Variants in CLCNKA observed in about 807,000 individuals in gnomAD.
CLCNKA encodes chloride voltage-gated channel Ka.
A neutral mutation model predicts 83.3 loss-of-function variants in CLCNKA; 66 were observed. The observed-to-expected ratio is 0.79, with a 90% CI of 0.65 to 0.97. The LOEUF is 0.97. Among genes scored for constraint, CLCNKA ranks in the 50% least tolerant of loss-of-function variants. CLCNKA has a pLI of 0.00. For synonymous variants in CLCNKA, 357 were observed against 370.4 expected, an observed-to-expected ratio of 0.96 and a Z score of 0.42; for missense variants, 806 against 888.7, an observed-to-expected ratio of 0.91 and a Z score of 1.18.
At position 16,026,730 on chromosome 1, in the gene CLCNKA, G is replaced by T. The variant is rs774035133; in HGVS notation, c.610G>T (p.Ala204Ser). 1 of 1,613,640 alleles carries T rather than the reference G, an allele frequency of 6.2e-7. No homozygotes were observed. The highest frequency in any genetic ancestry group is 8.5e-7 in the Non-Finnish European group (1 of 1,179,844). Residue 204 changes from alanine to serine, a missense_variant, in exon 7 of 20, where the codon GCG becomes TCG. Ala to Ser is a moderately conservative substitution (Grantham distance 99, BLOSUM62 1). Coordinates refer to ENST00000331433, the MANE Select transcript of CLCNKA (RefSeq NM_004070.4). ...KSKQNEMLVA[A>S]AAVGVATVFA... ...CAAGCAAAACGAAATGCTGGTGGCA[G>T]CGGCGGCAGTGGGCGTGGCCACAGT...
intron 8 of CLCNKA, among the ~76,000 whole-genome samples, 174 bp downstream of exon 8, chr1:16,027,609 C>T (rs573483888): frequency 6.6e-6 from 1 of 151,806 alleles, no homozygotes; most frequent in East Asian, 1.9e-4. Context: ...TGTGTTGAGC[C>T]CCTGACCTGT....
intron 1 of CLCNKA, 96 bp downstream of exon 1, chr1:16,022,159 T>C (rs1476715116): frequency 1.3e-5 from 2 of 153,754 alleles, no homozygotes; most frequent in African/African-American, 2.4e-5. Flanking sequence ...GCACCTCACT[T>C]TGGCTTTGCA....
chr1:16,033,231 C>CTG lies in CLCNKA; in HGVS notation c.1994_1995dup (p.Gly666TrpfsTer9), dbSNP rs2022708465. 6.2e-7 allele frequency: 1 copy of CTG among 1,613,988 alleles called. No homozygotes were observed. The highest frequency in any genetic ancestry group is 8.5e-7 in the Non-Finnish European group (1 of 1,180,010). ...CTCTTCGTGACATCGCGGGGCAGAG[C>CTG]TGTGGGCTGCGTGTCCTGGGTGGAG... On this transcript the variant is annotated frameshift_variant, in exon 19 of 20. Transcript: ENST00000331433. LOFTEE classifies it high-confidence loss of function.
chr1:16,026,190 G>A lies in CLCNKA; in HGVS notation c.441G>A (p.Lys147=), dbSNP rs377275023. The A allele has an allele frequency of 6.2e-7, 1 of 1,613,918 alleles. No homozygotes were observed. Among genetic ancestry groups the A allele is most frequent in the Non-Finnish European group, 8.5e-7 (1 of 1,180,024 alleles). ...DYLDIKNFGA[K]VVGLSCTLAT... ...TGGATATCAAGAACTTTGGGGCCAA[G>A]GTGGTGGGCCTCTCCTGCACCCTGG... Residue 147 remains lysine (K), a synonymous_variant, in exon 5 of 20, where the codon AAG becomes AAA. Transcript: ENST00000331433.
At chr1:16,023,488 C>T (rs2022221946) in intron 2 of CLCNKA, among the ~76,000 whole-genome samples, 1 of 152,226 alleles carries the variant, frequency 6.6e-6, no homozygotes, top group African/African-American at 2.4e-5. Flanking sequence ...ACTGTGCCAC[C>T]ACTGTCACCT....
intron 5 of CLCNKA, 31 bp downstream of exon 5, chr1:16,026,278 C>T (rs761779526): frequency 6.2e-7 from 1 of 1,611,402 alleles, no homozygotes; most frequent in Non-Finnish European, 8.5e-7. Context: ...ACCCCAGCCA[C>T]CCCGCCCACC....
At chr1:16,026,813 A>C in intron 7 of CLCNKA, 38 bp downstream of exon 7, 2 of 1,611,134 alleles carry the variant, frequency 1.2e-6, no homozygotes, top group Non-Finnish European at 8.5e-7. Flanking sequence ...TGGGTCCCTC[A>C]AGCTCCTCCC....
intron 11 of CLCNKA, 88 bp downstream of exon 11, chr1:16,028,933 C>A: frequency 6.5e-7 from 1 of 1,539,314 alleles, no homozygotes; most frequent in Non-Finnish European, 9.0e-7. Flanking sequence ...CCTCAGCACC[C>A]CACCAGGGTG....
Position 16,026,547 on chromosome 1 carries a change from G to T in CLCNKA, c.510G>T (p.Val170=). 6.2e-7 allele frequency: 1 copy of T among 1,614,016 alleles called. No individual in the cohort carries two copies. Among genetic ancestry groups the T allele is most frequent in the Non-Finnish European group, 8.5e-7 (1 of 1,180,028 alleles). The part of the protein sequence containing the change: ...TLFLGKVGPF[V]HLSVMIAAYL... ...CCTTCCCTCTGCAGGGCCCTTTCGT[G>T]CACCTGTCTGTAATGATCGCTGCCT... Residue 170 remains valine, a synonymous_variant, in exon 6 of 20, where the codon GTG becomes GTT. Transcript: ENST00000331433.
rs2022424577 is a variant in CLCNKA at position 16,027,691 on chromosome 1, G to C, written c.782-130G>C. The C allele has an allele frequency of 1.5e-5, 23 of 1,532,580 alleles. No homozygotes were observed. The South Asian group carries it at 2.4e-4, about 16-fold the overall frequency. The allele number at this position is 1,532,580 out of a possible 1,614,324, so 94.9% of individuals were successfully genotyped here. A position where few individuals can be genotyped will look rare whatever the true frequency, so the allele number is the denominator to read the frequency against. On this transcript the variant is annotated intron_variant, in intron 8 of 19. Transcript: ENST00000331433. Reference sequence around the variant, plus strand: ...GGGAGGCAAGAGCCTGGTTGTGGGGGCCTGGAATGCCAGGACACAGATTCC... The same window carrying C: ...GGGAGGCAAGAGCCTGGTTGTGGGGCCCTGGAATGCCAGGACACAGATTCC...
intron 3 of CLCNKA, among the ~76,000 whole-genome samples, chr1:16,024,412 T>A (rs1026336527): frequency 4.6e-5 from 7 of 152,222 alleles, no homozygotes; most frequent in Non-Finnish European, 7.3e-5. Context: ...CGGTGTTTGG[T>A]GCTTCACACC....
chr1:16,028,325 C>T (rs1277426031), intron 10 of CLCNKA, among the ~76,000 whole-genome samples: 2 of 151,880 alleles, frequency 1.3e-5, no homozygotes, highest in South Asian at 2.1e-4. Context: ...ACCCCCATCC[C>T]TCCTTCATTC....
intron 12 of CLCNKA, 61 bp downstream of exon 12, chr1:16,029,360 G>A (rs761005220): frequency 6.2e-7 from 1 of 1,610,508 alleles, no homozygotes; most frequent in Non-Finnish European, 8.5e-7. Context: ...GGGAGGGGCG[G>A]GGGTGCCTCC....
In CLCNKA at chr1:16,030,588, A is replaced by G. The variant is rs779858454; in HGVS notation, c.1536A>G (p.Ala512=). The G allele has an allele frequency of 1.2e-6, 2 of 1,613,068 alleles. No individual in the cohort carries two copies. The highest frequency in any genetic ancestry group is 1.7e-6 in the Non-Finnish European group (2 of 1,180,030). Residue 512 remains alanine, a synonymous_variant, in exon 15 of 20, where the codon GCA becomes GCG. Coordinates refer to ENST00000331433, the MANE Select transcript of CLCNKA (RefSeq NM_004070.4). Reference sequence around the variant, plus strand: ...CGGTGCTGGCAGCCAACGCCATTGCACAGAGCTGCCAGCCCTCCTTCTATG... The same window carrying G: ...CGGTGCTGGCAGCCAACGCCATTGCGCAGAGCTGCCAGCCCTCCTTCTATG... ...LMAVLAANAI[A]QSCQPSFYDG...
At position 16,033,665 on chromosome 1, in the gene CLCNKA, C is replaced by T. The variant is rs745959438; in HGVS notation, c.*7C>T. 6.2e-7 allele frequency: 1 copy of T among 1,610,326 alleles called. No individual in the cohort carries two copies. Among genetic ancestry groups the T allele is most frequent in the South Asian group, 1.1e-5 (1 of 90,896 alleles). On this transcript the variant is annotated 3_prime_UTR_variant, in exon 20 of 20. Transcript: ENST00000331433. ...TCCGCCAGCTCCAAAGTGAGCCGGC[C>T]CAGCAAGATGAAACAGGGCACCCCA...
Position 16,027,822 on chromosome 1 carries a change from G to C in CLCNKA, c.783G>C (p.Glu261Asp), listed in dbSNP as rs1206732685. Residue 261 changes from glutamate to aspartate, a missense_variant and splice_region_variant, in exon 9 of 20, where the codon GAG (glutamate) becomes GAC (aspartate). Glu to Asp is a conservative substitution (Grantham distance 45). Coordinates refer to ENST00000331433, the MANE Select transcript of CLCNKA (RefSeq NM_004070.4). The stretch of plus-strand genomic sequence containing the variant: ...CTCCCCACTGCCCTCCTTCCCCAGA[G>C]ACCATCACCTCCCTCTACAAGACCA... ...RLLAVFNSEQ[E>D]TITSLYKTSF... is the part of the protein sequence containing the mutation. 1 of 1,609,870 alleles carries C rather than the reference G, an allele frequency of 6.2e-7. No individual in the cohort carries two copies. The highest frequency in any genetic ancestry group is 1.1e-5 in the South Asian group (1 of 90,922).
intron 17 of CLCNKA, 42 bp downstream of exon 17, chr1:16,032,333 T>G (rs2022658179): frequency 2.7e-6 from 2 of 727,438 alleles, no homozygotes; most frequent in Non-Finnish European, 2.4e-6. Context: ...CGGGGGTGGG[T>G]CAGCAGGGAT....
chr1:16,026,574 C>G lies in CLCNKA; in HGVS notation c.537C>G (p.Tyr179Ter), dbSNP rs1235814980. Residue 179 changes from tyrosine to a stop codon, truncating the protein, a stop_gained, in exon 6 of 20, where the codon TAC becomes TAG. Coordinates refer to ENST00000331433, the MANE Select transcript of CLCNKA (RefSeq NM_004070.4). LOFTEE classifies it high-confidence loss of function. ...FVHLSVMIAA[Y>*]LGRVRTTTIG... is the part of the protein sequence containing the mutation. Reference sequence around the variant, plus strand: ...ACCTGTCTGTAATGATCGCTGCCTACCTGGGCCGTGTGCGCACCACGACCA... The same window carrying G: ...ACCTGTCTGTAATGATCGCTGCCTAGCTGGGCCGTGTGCGCACCACGACCA... 1 of 1,614,078 alleles carries G rather than the reference C, an allele frequency of 6.2e-7. No homozygotes were observed. The highest frequency in any genetic ancestry group is 1.7e-5 in the Admixed American group (1 of 60,026).
chr1:16,022,654 CAG>C lies in CLCNKA; in HGVS notation c.36_37del (p.Asp14ProfsTer178), dbSNP rs1049002025. 7.6e-6 allele frequency: 12 copies of C among 1,568,654 alleles called. No homozygotes were observed. Among genetic ancestry groups the C allele is most frequent in the Non-Finnish European group, 9.5e-6 (11 of 1,156,464 alleles). On this transcript the variant is annotated frameshift_variant, in exon 2 of 20. Coordinates refer to ENST00000331433, the MANE Select transcript of CLCNKA (RefSeq NM_004070.4). LOFTEE classifies it high-confidence loss of function. ...TTGGTGGGGCTGCGTGAGGGCTTCT[CAG>C]GGGACCCTGTGACTCTGCAGGAGCT...
Sources: gnomAD v4.1 joint callset for allele counts (sites outside exome capture counted in the v4.1 genomes callset) on GRCh38, gnomAD v4.1.1 for gene constraint, MANE v1.5 for transcripts, NCBI Gene and HGNC (gene_info 2026-07-23, HGNC 2026-07-21) for gene names.